BEND7: variants seen among roughly 807,000 people sequenced by gnomAD.
The protein encoded by BEND7 is BEN domain containing 7.
In BEND7, 28 loss-of-function variants were observed where a neutral mutation model predicts 50.9. The ratio of observed to expected loss-of-function variants is 0.55; its 90% CI spans 0.41 to 0.75. The LOEUF is 0.75. Among genes scored for constraint, BEND7 ranks in the 30% least tolerant of loss-of-function variants. BEND7 has a pLI of 0.00. For synonymous variants in BEND7, 170 were observed against 183.9 expected (o/e 0.92, Z 0.61); for missense variants, 477 against 491.3 (o/e 0.97, Z 0.28).
intron 6 of BEND7, among the ~76,000 whole-genome samples, chr10:13,468,382 G>C (rs765539947): frequency 1.3e-5 from 2 of 152,184 alleles, no homozygotes; most frequent in African/African-American, 2.4e-5. Context: ...GCATAACACA[G>C]AGTCCACAAT....
chr10:13,453,470 A>T (rs1176881227), intron 6 of BEND7, among the ~76,000 whole-genome samples: 2 of 151,920 alleles, frequency 1.3e-5, no homozygotes, highest in African/African-American at 4.8e-5. Flanking sequence ...GGTTTCTCTT[A>T]AAAAAAAGAC....
intron 6 of BEND7, among the ~76,000 whole-genome samples, chr10:13,465,407 C>A (rs1325943111): frequency 3.9e-5 from 6 of 152,148 alleles, no homozygotes; most frequent in Admixed American, 3.9e-4. Context: ...TTAGCAGGAG[C>A]CGGCATGCGG....
intron 6 of BEND7, among the ~76,000 whole-genome samples, chr10:13,465,288 C>T (rs1199379695): frequency 3.3e-5 from 5 of 152,174 alleles, no homozygotes; most frequent in African/African-American, 7.2e-5. Context: ...CACAGTTCAT[C>T]AACTAATGCA....
chr10:13,492,416 C>T (rs765419635), intron 5 of BEND7, among the ~76,000 whole-genome samples, 195 bp downstream of exon 5: 1 of 152,218 alleles, frequency 6.6e-6, no homozygotes, highest in Non-Finnish European at 1.5e-5. Context: ...AACTGGAAAC[C>T]TGTCTAAATA....
intron 6 of BEND7, among the ~76,000 whole-genome samples, chr10:13,467,962 C>T (rs2074421140): frequency 6.6e-6 from 1 of 152,134 alleles, no homozygotes; most frequent in South Asian, 2.1e-4. Context: ...GTGATCTCTG[C>T]CCACAGGAGC....
intron 2 of BEND7, among the ~76,000 whole-genome samples, chr10:13,508,201 G>A (rs933358283): frequency 2.6e-5 from 4 of 152,220 alleles, no homozygotes; most frequent in African/African-American, 9.6e-5. Flanking sequence ...CAAGGTCCCA[G>A]CTGGCAGCCT....
At chr10:13,457,632 T>C (rs145746087) in intron 6 of BEND7, among the ~76,000 whole-genome samples, 1 of 152,314 alleles carries the variant, frequency 6.6e-6, no homozygotes, top group Non-Finnish European at 1.5e-5. Flanking sequence ...TTCCCTCCAT[T>C]ATGATAGCAG....
intron 2 of BEND7, among the ~76,000 whole-genome samples, chr10:13,520,858 G>A (rs2079034435): frequency 6.6e-6 from 1 of 152,162 alleles, no homozygotes; most frequent in Non-Finnish European, 1.5e-5. Flanking sequence ...ACGTGAGAAC[G>A]ACCAAGTTCT....
chr10:13,439,555 T>C, downstream of BEND7: 1 of 1,491,698 alleles, frequency 6.7e-7, no homozygotes, highest in Non-Finnish European at 9.0e-7. Flanking sequence ...ACCTGTCTCC[T>C]CCAAATCGTC....
chr10:13,447,439 G>A, intron 7 of BEND7, 123 bp from the exon 8 acceptor site: 2 of 805,098 alleles, frequency 2.5e-6, no homozygotes, highest in South Asian at 3.9e-5. Flanking sequence ...ATTCTTTTCT[G>A]TTTTCAGCTA....
At chr10:13,455,284 G>A (rs1341050161) in intron 6 of BEND7, among the ~76,000 whole-genome samples, 4 of 151,996 alleles carry the variant, frequency 2.6e-5, no homozygotes, top group South Asian at 4.2e-4. Context: ...CCTGGGGAAC[G>A]CCACGCTGCC....
intron 4 of BEND7, among the ~76,000 whole-genome samples, chr10:13,494,085 C>T (rs2076859482): frequency 6.6e-6 from 1 of 152,182 alleles, no homozygotes; most frequent in South Asian, 2.1e-4. Flanking sequence ...CAATGGTTCT[C>T]AACCTTGGTT....
At chr10:13,470,760 T>G (rs2074739153) in intron 6 of BEND7, among the ~76,000 whole-genome samples, 1 of 152,178 alleles carries the variant, frequency 6.6e-6, no homozygotes, top group African/African-American at 2.4e-5. Context: ...CCGAGGTAGC[T>G]TTCAGAAGCA....
intron 5 of BEND7, 83 bp downstream of exon 5, chr10:13,492,528 G>T: frequency 6.6e-7 from 1 of 1,523,104 alleles, no homozygotes; most frequent in Non-Finnish European, 8.9e-7. Context: ...TTCTCTAGTT[G>T]TCAAAAGGGA....
At chr10:13,447,034 T>C (rs1836488116) in intron 8 of BEND7, 2 of 558,740 alleles carry the variant, frequency 3.6e-6, no homozygotes, top group Non-Finnish European at 3.1e-6. Flanking sequence ...TAGGATTTGC[T>C]CTTCTGAGAT....
intron 6 of BEND7, among the ~76,000 whole-genome samples, chr10:13,470,966 G>C (rs1001019911): frequency 6.6e-6 from 1 of 152,174 alleles, no homozygotes; most frequent in Non-Finnish European, 1.5e-5. Context: ...TTGAATTTAA[G>C]CTTCATTAAA....
intron 8 of BEND7, chr10:13,443,233 C>T (rs1835603127): frequency 6.6e-6 from 1 of 152,606 alleles, no homozygotes; most frequent in Non-Finnish European, 1.5e-5. Context: ...GACAGGTAAG[C>T]TTGACAGAAC....
At chr10:13,462,573 T>C (rs1588711467) in intron 6 of BEND7, among the ~76,000 whole-genome samples, 1 of 152,094 alleles carries the variant, frequency 6.6e-6, no homozygotes, top group Admixed American at 6.6e-5. Flanking sequence ...AATCAATAAA[T>C]TAATATCACT....
At chr10:13,440,617 G>T (rs1273329193), downstream of BEND7, among the ~76,000 whole-genome samples, 3 of 152,212 alleles carry the variant, frequency 2.0e-5, no homozygotes, top group East Asian at 5.8e-4. Flanking sequence ...ACGCCCGCGG[G>T]AGGCGGCGGG....
Sources: gnomAD v4.1 joint callset for allele counts (sites outside exome capture counted in the v4.1 genomes callset) on GRCh38, gnomAD v4.1.1 for gene constraint, MANE v1.5 for transcripts, NCBI Gene and HGNC (gene_info 2026-07-23, HGNC 2026-07-21) for gene names.